Variants in UROC1 observed in about 807,000 individuals in gnomAD.
UROC1 encodes urocanate hydratase 1.
In UROC1, 79 loss-of-function variants were observed where a neutral mutation model predicts 89.5. That is an observed-to-expected ratio of 0.88 (90% CI 0.74 to 1.06). The LOEUF is 1.06. Among genes scored for constraint, UROC1 ranks in the 50% least tolerant of loss-of-function variants. UROC1 has a pLI of 0.00. For synonymous variants in UROC1, 361 were observed against 354.8 expected (o/e 1.02, Z -0.20); for missense variants, 885 against 907.8 (o/e 0.97, Z 0.32).
At chr3:126,490,540 C>T (rs1312349241) in intron 16 of UROC1, among the ~76,000 whole-genome samples, 1 of 152,132 alleles carries the variant, frequency 6.6e-6, no homozygotes, top group East Asian at 1.9e-4. Context: ...CCTAAATTAG[C>T]CAGGTGTTGT....
chr3:126,505,655 G>GGGAA (rs772899799), intron 8 of UROC1, 46 bp downstream of exon 8: 2 of 1,609,356 alleles, frequency 1.2e-6, no homozygotes, highest in Non-Finnish European at 1.7e-6. Flanking sequence ...GAGGGAGGGA[G>GGGAA]GGAGGGAGGC....
intron 2 of UROC1, 98 bp from the exon 3 acceptor site, chr3:126,509,776 C>A: frequency 8.9e-7 from 1 of 1,123,720 alleles, no homozygotes; most frequent in Non-Finnish European, 1.3e-6. Context: ...CAAGGATAGC[C>A]GGACACGGGG....
chr3:126,514,213 T>C (rs1936252260), intron 1 of UROC1, among the ~76,000 whole-genome samples: 1 of 152,236 alleles, frequency 6.6e-6, no homozygotes, highest in Non-Finnish European at 1.5e-5. Context: ...ATGAACCCTG[T>C]GGAGCTCTGC....
intron 1 of UROC1, among the ~76,000 whole-genome samples, chr3:126,514,159 T>C (rs1222299734): frequency 6.6e-6 from 1 of 152,228 alleles, no homozygotes; most frequent in African/African-American, 2.4e-5. Context: ...GTACAACTCT[T>C]ATTCATTCTG....
rs1576728190 is a variant in UROC1 at position 126,507,961 on chromosome 3, A to C, written c.540+6T>G. 1 of 1,613,688 alleles carries C rather than the reference A, an allele frequency of 6.2e-7. No individual in the cohort carries two copies. The highest frequency in any genetic ancestry group is 8.5e-7 in the Non-Finnish European group (1 of 1,180,010). On this transcript the variant is annotated splice_donor_region_variant and intron_variant, in intron 5 of 19. Transcript: ENST00000290868. ...GCAGGTGCTGTGCCACCTGCTGGGG[A>C]CCCACCATCCCATTGGTGATGACGA...
rs150437149 is a variant in UROC1, at chr3:126,505,805, C to T, written c.709G>A (p.Glu237Lys). The change falls in exon 8 of 20, where the codon GAG becomes AAG. Residue 237 changes from glutamate (E) to lysine (K), a missense_variant. By Grantham distance (56) the Glu-to-Lys change is moderately conservative. Coordinates refer to ENST00000290868, the MANE Select transcript of UROC1 (RefSeq NM_144639.3). Reference protein sequence around the residue: ...LNAARRYLGIEDLAGKVFVTS... With the variant: ...LNAARRYLGIKDLAGKVFVTS... ...ACAAAGACCTTCCCAGCCAAGTCCT[C>T]GATGCCCAGGTACCGACGTGCAGCA... The T allele has an allele frequency of 6.2e-6, 10 of 1,613,918 alleles. No individual in the cohort carries two copies. The African/African-American group carries it at 9.3e-5, about 15-fold the overall frequency.
chr3:126,483,312 G>A, intron 19 of UROC1, 57 bp downstream of exon 19: 2 of 1,513,874 alleles, frequency 1.3e-6, no homozygotes, highest in Non-Finnish European at 1.8e-6. Context: ...ACGTGGATGG[G>A]GATCACCCAG....
intron 9 of UROC1, among the ~76,000 whole-genome samples, chr3:126,502,380 G>T (rs1021604407): frequency 6.6e-6 from 1 of 151,790 alleles, no homozygotes; most frequent in East Asian, 1.9e-4. Context: ...GTGTACATGT[G>T]TTTACATGTG....
Position 126,517,751 on chromosome 3 carries a change from T to A in UROC1, c.-32A>T. Reference sequence around the variant, plus strand: ...CTGAGATGGAGGCAGAGGCCAGCACTGTGGGGAGGCCAGGAAGAGACTGGG... The same window carrying A: ...CTGAGATGGAGGCAGAGGCCAGCACAGTGGGGAGGCCAGGAAGAGACTGGG... On this transcript the variant is annotated 5_prime_UTR_variant, in exon 1 of 20. Transcript: ENST00000290868. 2 of 1,554,210 alleles carry A rather than the reference T, an allele frequency of 1.3e-6. No homozygotes were observed. The highest frequency in any genetic ancestry group is 2.4e-5 in the East Asian group (1 of 41,276).
chr3:126,486,677 G>A lies in UROC1; in HGVS notation c.1790+1521C>T, dbSNP rs1360032268. On this transcript the variant is annotated intron_variant, in intron 18 of 19. Transcript: ENST00000290868. ...GTTCGGTCCAGGAATGTGAGGGTGAGCGCACAGCCTGGAAACAGGGATCAA... is the reference window on the plus strand; with the variant it reads ...GTTCGGTCCAGGAATGTGAGGGTGAACGCACAGCCTGGAAACAGGGATCAA... Among the ~76,000 whole-genome samples the A allele has an allele frequency of 4.6e-5, 7 of 152,240 alleles. No individual in the cohort carries two copies. In the East Asian group the frequency reaches 1.3e-3, roughly 29 times the overall value.
At position 126,504,020 on chromosome 3, in the gene UROC1, A is replaced by G; in HGVS notation, c.877T>C (p.Leu293=). The G allele has an allele frequency of 6.2e-7, 1 of 1,614,136 alleles. No homozygotes were observed. The highest frequency in any genetic ancestry group is 2.2e-5 in the East Asian group (1 of 44,882). ...CTGAGCCTCTGGATGCAGCGGTCCA[A>G]GCTGTCAGTCACTTCCATCAGCCAG... is the stretch of plus-strand genomic sequence containing the variant. ...QGWLMEVTDS[L]DRCIQRLREA... Residue 293 remains leucine (L), a synonymous_variant, in exon 9 of 20, where the codon TTG becomes CTG. Coordinates refer to ENST00000290868, the MANE Select transcript of UROC1 (RefSeq NM_144639.3).
chr3:126,492,550 A>T, intron 15 of UROC1, 34 bp from the exon 16 acceptor site: 1 of 1,567,260 alleles, frequency 6.4e-7, no homozygotes, highest in Non-Finnish European at 8.7e-7. Context: ...ATCTCAGCCA[A>T]CATAGGCAGC....
intron 16 of UROC1, among the ~76,000 whole-genome samples, chr3:126,490,900 TCCTATTCCTATCA>T (rs1257385473): frequency 1.3e-5 from 2 of 152,016 alleles, no homozygotes; most frequent in African/African-American, 4.8e-5. Flanking sequence ...AGCTAAGAAG[TCCTATTCCTATCA>T]CCAGGTCCTG....
chr3:126,490,114 G>C (rs1375065971), intron 16 of UROC1, among the ~76,000 whole-genome samples: 1 of 152,206 alleles, frequency 6.6e-6, no homozygotes, highest in East Asian at 1.9e-4. Flanking sequence ...TCCTGGATGA[G>C]GTAATTGCTA....
At chr3:126,506,908 T>G (rs1459613450) in intron 6 of UROC1, among the ~76,000 whole-genome samples, 2 of 152,124 alleles carry the variant, frequency 1.3e-5, no homozygotes, top group Admixed American at 1.3e-4. Flanking sequence ...TGAAACCCCA[T>G]CTCTACTAAA....
At position 126,482,496 on chromosome 3, in the gene UROC1, G is replaced by T. The variant is rs1322505300; in HGVS notation, c.1891-11C>A. ...GCAGCGCCGGGCCACCTAGGGCAAG[G>T]AGGGGGATAGCAGTCCATGTCAACA... On this transcript the variant is annotated splice_polypyrimidine_tract_variant and intron_variant, in intron 19 of 19. Transcript: ENST00000290868. The T allele has an allele frequency of 6.2e-7, 1 of 1,613,862 alleles. No individual in the cohort carries two copies. The highest frequency in any genetic ancestry group is 8.5e-7 in the Non-Finnish European group (1 of 1,180,012).
At position 126,507,793 on chromosome 3, in the gene UROC1, T is replaced by C; in HGVS notation, c.551A>G (p.Asn184Ser). ...CTCATACTCCGTCCGGGAGGAGTAG[T>C]TGGGAATGACCTGGAGAAGAGGATG... ...LVITNGMVIP[N>S]YSSRTEYEKL... The change falls in exon 6 of 20, where the codon AAC becomes AGC. Residue 184 changes from asparagine to serine, a missense_variant. Coordinates refer to ENST00000290868, the MANE Select transcript of UROC1 (RefSeq NM_144639.3). 4.3e-6 allele frequency: 7 copies of C among 1,614,074 alleles called. No individual in the cohort carries two copies. Among genetic ancestry groups the C allele is most frequent in the Non-Finnish European group, 5.9e-6 (7 of 1,180,018 alleles).
intron 1 of UROC1, among the ~76,000 whole-genome samples, chr3:126,511,147 G>C (rs1461455302): frequency 6.6e-6 from 1 of 152,108 alleles, no homozygotes; most frequent in African/African-American, 2.4e-5. Context: ...AGAAGCTCCA[G>C]GGTGGAAAGT....
In UROC1 at chr3:126,481,520, C is replaced by T. The variant is rs899221402; in HGVS notation, c.*825G>A. ...AGAGGCCCACCCACAGACTCTTTCT[C>T]ATTTCTCTGTTTAGGATGAGTTATC... On this transcript the variant is annotated 3_prime_UTR_variant, in exon 20 of 20. Coordinates refer to ENST00000290868, the MANE Select transcript of UROC1 (RefSeq NM_144639.3). 6.6e-6 allele frequency: 1 copy of T among 152,202 alleles called. No individual in the cohort carries two copies. The highest frequency in any genetic ancestry group is 2.4e-5 in the African/African-American group (1 of 41,458). The allele number at this position is 152,202 out of a possible 1,614,324, so 9.4% of individuals were successfully genotyped here.
Sources: allele counts gnomAD v4.1 joint callset (sites outside exome capture counted in the v4.1 genomes callset), GRCh38; gene constraint gnomAD v4.1.1; transcripts MANE v1.5; gene names NCBI Gene and HGNC (gene_info 2026-07-23, HGNC 2026-07-21).